ARID1B: variants seen among roughly 807,000 people sequenced by gnomAD.
The protein encoded by ARID1B is AT-rich interaction domain 1B.
Under a neutral mutation model 212.3 loss-of-function variants are expected in ARID1B, and 30 were observed. The ratio of observed to expected loss-of-function variants is 0.14; its 90% CI spans 0.11 to 0.19. The LOEUF (loss-of-function observed/expected upper bound fraction) is 0.19, where lower values mean the gene tolerates loss of function less well. Among genes scored for constraint, ARID1B ranks in the 10% least tolerant of loss-of-function variants. The pLI is 1.00. For synonymous variants in ARID1B, 1,402 were observed against 1,301.7 expected (o/e 1.08, Z -1.66); for missense variants, 2,891 against 3,204.0 (o/e 0.90, Z 2.36).
chr6:156,986,470 C>T (rs1474978837), intron 4 of ARID1B, among the ~76,000 whole-genome samples: 1 of 152,206 alleles, frequency 6.6e-6, no homozygotes, highest in Admixed American at 6.5e-5. Context: ...GCATAAGAGA[C>T]AGCAGGGGCT....
chr6:157,165,645 T>G (rs1791276168), intron 8 of ARID1B, among the ~76,000 whole-genome samples: 1 of 152,076 alleles, frequency 6.6e-6, no homozygotes, highest in African/African-American at 2.4e-5. Context: ...GCTTAGGAGT[T>G]CGAGACTGGC....
At chr6:156,869,788 A>G (rs1354163302) in intron 2 of ARID1B, among the ~76,000 whole-genome samples, 1 of 152,258 alleles carries the variant, frequency 6.6e-6, no homozygotes, top group East Asian at 1.9e-4. Flanking sequence ...AAGGAAAAAA[A>G]AGAGTGAGCA....
At chr6:156,987,624 C>G in intron 4 of ARID1B, among the ~76,000 whole-genome samples, 1 of 152,172 alleles carries the variant, frequency 6.6e-6, no homozygotes, top group East Asian at 1.9e-4. Context: ...GCCACCACGC[C>G]CGGCCCAGTG....
chr6:157,198,577 A>T, intron 16 of ARID1B: 1 of 524,378 alleles, frequency 1.9e-6, no homozygotes, highest in Non-Finnish European at 3.4e-6. Flanking sequence ...TCTGACACCT[A>T]TTAGCCAACA....
chr6:156,782,899 G>A (rs559023203), intron 1 of ARID1B, among the ~76,000 whole-genome samples: 1 of 151,886 alleles, frequency 6.6e-6, no homozygotes, highest in South Asian at 2.1e-4. Context: ...CATCTGGGAT[G>A]AAATTATGCA....
chr6:156,901,639 G>T (rs573440182), intron 3 of ARID1B, 114 bp downstream of exon 3: 2 of 1,356,742 alleles, frequency 1.5e-6, no homozygotes, highest in East Asian at 5.1e-5. Context: ...AAAAAAATTA[G>T]TTTTGAGAAA....
intron 4 of ARID1B, among the ~76,000 whole-genome samples, chr6:157,074,973 T>C (rs940957447): frequency 6.6e-5 from 10 of 152,216 alleles, no homozygotes; most frequent in Non-Finnish European, 1.5e-4. Context: ...TCATGGTTAT[T>C]ATTATTGGCA....
chr6:156,951,118 A>G (rs1173843420), intron 4 of ARID1B, among the ~76,000 whole-genome samples: 1 of 152,222 alleles, frequency 6.6e-6, no homozygotes, highest in Non-Finnish European at 1.5e-5. Context: ...ATTTTTAAAT[A>G]TACCAGTGGC....
chr6:156,977,861 G>T (rs1777354795), intron 4 of ARID1B, among the ~76,000 whole-genome samples: 1 of 152,156 alleles, frequency 6.6e-6, no homozygotes, highest in African/African-American at 2.4e-5. Context: ...ATCCTTTTGG[G>T]TCTTACTTTA....
At chr6:157,154,806 C>A (rs1002915337) in intron 8 of ARID1B, among the ~76,000 whole-genome samples, 7 of 152,170 alleles carry the variant, frequency 4.6e-5, no homozygotes, top group Admixed American at 4.6e-4. Flanking sequence ...TGGCCTTGAT[C>A]TCTTAACGTC....
chr6:156,894,842 A>G (rs1458185857), intron 2 of ARID1B, among the ~76,000 whole-genome samples: 1 of 152,220 alleles, frequency 6.6e-6, no homozygotes, highest in Non-Finnish European at 1.5e-5. Flanking sequence ...GGACTGGACT[A>G]TAGTTTAGCT....
At chr6:157,174,744 T>C in intron 10 of ARID1B, 103 bp from the exon 11 acceptor site, 1 of 334,124 alleles carries the variant, frequency 3.0e-6, no homozygotes, top group Non-Finnish European at 5.0e-6. Flanking sequence ...ATATATAATA[T>C]ATATAAAAAA....
rs771557031 is a variant in ARID1B at position 156,778,915 on chromosome 6, CAGGAGCAGG to C, written c.1247_1255del (p.Gly416_Gly418del). On this transcript the variant is annotated inframe_deletion, in exon 1 of 20. Transcript: ENST00000636930. ...GGAGGAGGAGGAGGAGGAGGAGGAG[CAGGAGCAGG>C]AGGAGCAGGAGCGGGAGCTGTGGCG... The C allele has an allele frequency of 2.5e-4, 324 of 1,322,332 alleles. No homozygotes were observed. The highest frequency in any genetic ancestry group is 8.0e-4 in the African/African-American group (49 of 61,540). 81.9% of individuals were successfully genotyped at this position (1,322,332 alleles called of 1,614,324 possible).
intron 9 of ARID1B, among the ~76,000 whole-genome samples, chr6:157,170,472 G>A (rs988663155): frequency 6.6e-6 from 1 of 152,124 alleles, no homozygotes; most frequent in African/African-American, 2.4e-5. Context: ...TTGCTCTAAG[G>A]TAATGATTTC....
At chr6:157,100,174 G>A (rs926070447) in intron 5 of ARID1B, among the ~76,000 whole-genome samples, 1 of 152,166 alleles carries the variant, frequency 6.6e-6, no homozygotes, top group Admixed American at 6.5e-5. Flanking sequence ...GGTTTATACT[G>A]CTCTAATCTG....
At chr6:156,787,815 C>A (rs1476323267) in intron 1 of ARID1B, among the ~76,000 whole-genome samples, 1 of 152,122 alleles carries the variant, frequency 6.6e-6, no homozygotes, top group Non-Finnish European at 1.5e-5. Flanking sequence ...GGCATCCTGA[C>A]ACAATGGTAA....
chr6:156,944,618 T>C (rs10485203), intron 4 of ARID1B, among the ~76,000 whole-genome samples: 21,348 of 152,190 alleles, frequency 0.14, 1,742 homozygotes, highest in East Asian at 0.25. Flanking sequence ...GCCAACCGGA[T>C]GGTTTTCTGA....
intron 8 of ARID1B, among the ~76,000 whole-genome samples, chr6:157,159,484 G>A (rs575698656): frequency 1.1e-4 from 17 of 152,324 alleles, no homozygotes; most frequent in African/African-American, 3.8e-4. Context: ...AAGCAAAAAG[G>A]AAGAGCTGAA....
chr6:157,147,919 G>T (rs1452772753), intron 7 of ARID1B, among the ~76,000 whole-genome samples: 3 of 19,170 alleles, frequency 1.6e-4, no homozygotes, highest in African/African-American at 2.2e-4. Context: ...CTGCCCGCCC[G>T]CCCTCACCCT....
Sources: allele counts gnomAD v4.1 joint callset (sites outside exome capture counted in the v4.1 genomes callset), GRCh38; gene constraint gnomAD v4.1.1; transcripts MANE v1.5; gene names NCBI Gene and HGNC (gene_info 2026-07-23, HGNC 2026-07-21).